Variants in AKT3 observed in about 807,000 individuals in gnomAD.
AKT3 encodes AKT serine/threonine kinase 3, also known as RAC-gamma serine/threonine-protein kinase.
A neutral mutation model predicts 65.3 loss-of-function variants in AKT3; 15 were observed. The observed-to-expected ratio is 0.23, with a 90% CI of 0.15 to 0.35. The LOEUF (loss-of-function observed/expected upper bound fraction) is 0.35. AKT3 is among the 10% of genes least tolerant of loss of function. The probability of loss-of-function intolerance (pLI) is 1.00; values close to 1 mark genes in which losing one functional copy is unlikely to be tolerated. For synonymous variants in AKT3, 206 were observed against 183.8 expected (o/e 1.12, Z -0.98); for missense variants, 243 against 576.5 (o/e 0.42, Z 5.92).
chr1:243,586,126 G>C (rs1675782892), intron 8 of AKT3, among the ~76,000 whole-genome samples: 1 of 152,158 alleles, frequency 6.6e-6, no homozygotes, highest in Non-Finnish European at 1.5e-5. Context: ...TATGAAAAAT[G>C]CTGCACATCA....
At chr1:243,539,520 GTTCAAGGGTCAATGTATAGATTCT>G (rs1672158532) in intron 12 of AKT3, among the ~76,000 whole-genome samples, 1 of 152,106 alleles carries the variant, frequency 6.6e-6, no homozygotes, top group Non-Finnish European at 1.5e-5. Context: ...CTCCCACATT[GTTCAAGGGTCAATGTATAGATTCT>G]TTCAAGTGTA....
rs1233182399 is a variant in AKT3 at position 243,613,098 on chromosome 1, C to CATA, written c.696+572_696+573insTAT. On this transcript the variant is annotated intron_variant, in intron 8 of 13. Transcript: ENST00000673466. ...ATATACACACACACACACACACACA[C>CATA]ACATATATACCCACCCATATATATA... 1.1e-4 allele frequency: 15 copies of CATA among 141,848 alleles called. 1 individual carries two copies. The highest frequency in any genetic ancestry group is 3.9e-4 in the African/African-American group (15 of 38,264). The allele number at this position is 141,848 out of a possible 1,614,324, so 8.8% of individuals were successfully genotyped here.
intron 11 of AKT3, among the ~76,000 whole-genome samples, chr1:243,552,043 A>C (rs1313482955): frequency 4.6e-5 from 7 of 152,102 alleles, no homozygotes; most frequent in Admixed American, 4.6e-4. Flanking sequence ...TAATCCCAGC[A>C]CTTTGGGAGG....
intron 2 of AKT3, among the ~76,000 whole-genome samples, chr1:243,699,465 C>CCATATATATATATATATATATATA (rs1389882625): frequency 9.7e-6 from 1 of 103,624 alleles, no homozygotes; most frequent in African/African-American, 4.9e-5. Flanking sequence ...ACCTCTTCCA[C>CCATATATATATATATATATATATA]TATATATATA....
intron 12 of AKT3, among the ~76,000 whole-genome samples, chr1:243,527,152 G>A (rs1671162933): frequency 6.6e-6 from 1 of 152,192 alleles, no homozygotes; most frequent in African/African-American, 2.4e-5. Context: ...AGGTCTGGAA[G>A]ATTCACTTAG....
rs186929108 is a variant in AKT3 at position 243,838,955 on chromosome 1, C to T, written c.46+4170G>A. 5.3e-4 allele frequency among the ~76,000 whole-genome samples: 80 copies of T among 152,176 alleles called. 1 individual carries two copies. The highest frequency in any genetic ancestry group is 1.2e-4 in the Non-Finnish European group (8 of 67,966). ...AGCATGGAACATTTTCATCAAAATG[C>T]TTTTAATGATAAAAATCACCTCTTA... On this transcript the variant is annotated intron_variant, in intron 2 of 13. Transcript: ENST00000673466.
intron 2 of AKT3, among the ~76,000 whole-genome samples, chr1:243,785,121 G>A (rs1443254333): frequency 6.7e-6 from 1 of 149,664 alleles, no homozygotes; most frequent in Non-Finnish European, 1.5e-5. Flanking sequence ...CTGGAGTGCA[G>A]TGGTGCAATC....
intron 2 of AKT3, among the ~76,000 whole-genome samples, chr1:243,787,607 C>A (rs767411931): frequency 5.9e-5 from 9 of 152,192 alleles, no homozygotes; most frequent in Non-Finnish European, 8.8e-5. Context: ...TCCTGCATAA[C>A]ATTTTGTTTC....
At chr1:243,762,751 A>G (rs1481903645) in intron 2 of AKT3, among the ~76,000 whole-genome samples, 2 of 152,168 alleles carry the variant, frequency 1.3e-5, no homozygotes, top group East Asian at 3.9e-4. Flanking sequence ...TCATGTACTC[A>G]CTGTTCCAGA....
chr1:243,637,859 C>T (rs888559128), intron 5 of AKT3, 117 bp from the exon 6 acceptor site: 4 of 607,378 alleles, frequency 6.6e-6, no homozygotes, highest in South Asian at 3.3e-5. Flanking sequence ...TTTATAAGCA[C>T]ATTTAAATGA....
rs574096055 is a variant in AKT3 at position 243,528,463 on chromosome 1, C to T, written c.1252-16037G>A. 3.3e-4 allele frequency among the ~76,000 whole-genome samples: 50 copies of T among 152,216 alleles called. 1 individual carries two copies. Among genetic ancestry groups the T allele is most frequent in the African/African-American group, 1.1e-3 (46 of 41,548 alleles). On this transcript the variant is annotated intron_variant, in intron 12 of 13. Transcript: ENST00000673466. Reference sequence around the variant, plus strand: ...ACCTGGTAGGTCGTTTTTTGATCTTCACCTTCCTCCTGCCCTCCACCCTCA... The same window carrying T: ...ACCTGGTAGGTCGTTTTTTGATCTTTACCTTCCTCCTGCCCTCCACCCTCA...
At chr1:243,741,216 T>C (rs1688135624) in intron 2 of AKT3, among the ~76,000 whole-genome samples, 1 of 152,212 alleles carries the variant, frequency 6.6e-6, no homozygotes, top group African/African-American at 2.4e-5. Flanking sequence ...CGTACCTGTA[T>C]TCTGGGCAGA....
At chr1:243,849,386 A>ACCCCCCCCCCCCCCCCCCCCCCCC (rs57424400) in intron 1 of AKT3, among the ~76,000 whole-genome samples, 9 of 107,018 alleles carry the variant, frequency 8.4e-5, no homozygotes, top group African/African-American at 1.5e-4. Flanking sequence ...CCACACACAC[A>ACCCCCCCCCCCCCCCCCCCCCCCC]CCCCCCCCCC....
intron 13 of AKT3, among the ~76,000 whole-genome samples, chr1:243,509,276 T>C (rs890382192): frequency 6.6e-6 from 1 of 152,206 alleles, no homozygotes; most frequent in African/African-American, 2.4e-5. Context: ...TTCTAGAAAC[T>C]GTGCTGGGGG....
In AKT3 at chr1:243,501,160, G is replaced by A. The variant is rs1485574537; in HGVS notation, c.*4089C>T. 1 of 231,394 alleles carries A rather than the reference G, an allele frequency of 4.3e-6. No individual in the cohort carries two copies. The highest frequency in any genetic ancestry group is 8.5e-6 in the Non-Finnish European group (1 of 116,970). The allele number at this position is 231,394 out of a possible 1,614,324, so 14.3% of individuals were successfully genotyped here. On this transcript the variant is annotated 3_prime_UTR_variant, in exon 14 of 14. Transcript: ENST00000673466. ...ATTCCTCTGTCTGGCTTCGTCACAG[G>A]AGCAAAGCCAAGTTTCTACAATAGT...
At chr1:243,555,745 G>A (rs2148472272) in intron 10 of AKT3, among the ~76,000 whole-genome samples, 1 of 152,122 alleles carries the variant, frequency 6.6e-6, no homozygotes, top group East Asian at 1.9e-4. Flanking sequence ...TTCATTAAAA[G>A]GTTAATTTCT....
chr1:243,740,478 T>C (rs1328091963), intron 2 of AKT3, among the ~76,000 whole-genome samples: 1 of 152,218 alleles, frequency 6.6e-6, no homozygotes, highest in African/African-American at 2.4e-5. Context: ...GCCCCTTTTC[T>C]TCCTGTTGAA....
At chr1:243,722,672 G>A (rs1223547414) in intron 2 of AKT3, among the ~76,000 whole-genome samples, 1 of 152,078 alleles carries the variant, frequency 6.6e-6, no homozygotes, top group African/African-American at 2.4e-5. Flanking sequence ...GAAAAAGATG[G>A]AAAATTTTTT....
intron 12 of AKT3, among the ~76,000 whole-genome samples, chr1:243,521,470 T>C (rs1318651405): frequency 6.6e-6 from 1 of 152,246 alleles, no homozygotes; most frequent in Non-Finnish European, 1.5e-5. Context: ...TAAAAGAGGA[T>C]TTATTTCTAA....
Sources: allele counts gnomAD v4.1 joint callset (sites outside exome capture counted in the v4.1 genomes callset), GRCh38; gene constraint gnomAD v4.1.1; transcripts MANE v1.5; gene names NCBI Gene and HGNC (gene_info 2026-07-23, HGNC 2026-07-21).